The following ADCY3 variants were observed in gnomAD, a reference collection of about 807,000 sequenced individuals.
ADCY3 encodes adenylate cyclase 3.
Under a neutral mutation model 119.4 loss-of-function variants are expected in ADCY3, and 70 were observed. The ratio of observed to expected loss-of-function variants is 0.59; its 90% CI spans 0.48 to 0.72. The LOEUF (loss-of-function observed/expected upper bound fraction) is 0.72. ADCY3 is among the 30% of genes least tolerant of loss of function. The pLI is 0.00. For synonymous variants in ADCY3, 672 were observed against 621.4 expected, an observed-to-expected ratio of 1.08 and a Z score of -1.21; for missense variants, 1,238 against 1,541.6, an observed-to-expected ratio of 0.80 and a Z score of 3.30.
intron 21 of ADCY3, chr2:24,820,329 T>A: frequency 2.3e-6 from 3 of 1,328,086 alleles, no homozygotes; most frequent in Non-Finnish European, 2.9e-6. Flanking sequence ...CCTCCTCTCA[T>A]CCAGAGACTT....
intron 12 of ADCY3, among the ~76,000 whole-genome samples, chr2:24,831,167 G>A (rs1447700610): frequency 6.6e-6 from 1 of 151,636 alleles, no homozygotes; most frequent in Non-Finnish European, 1.5e-5. Context: ...GGCTCCAAGT[G>A]ACCTGGCGAG....
At chr2:24,903,203 AC>A (rs1470247150) in intron 2 of ADCY3, among the ~76,000 whole-genome samples, 6 of 151,358 alleles carry the variant, frequency 4.0e-5, no homozygotes, top group Non-Finnish European at 7.4e-5. Flanking sequence ...GGGGGGCAGC[AC>A]CCCTAACGCC....
chr2:24,822,220 A>G (rs920832080), intron 19 of ADCY3: 2 of 268,670 alleles, frequency 7.4e-6, no homozygotes, highest in Non-Finnish European at 1.4e-5. Context: ...CCTTGTTGAC[A>G]ATTGCTCTCC....
intron 9 of ADCY3, 116 bp from the exon 10 acceptor site, chr2:24,835,052 A>C: frequency 1.5e-6 from 2 of 1,315,882 alleles, no homozygotes; most frequent in East Asian, 2.5e-5. Context: ...CGGAGGACCA[A>C]TCCCTCCAGC....
At chr2:24,904,912 A>T (rs747804124) in intron 2 of ADCY3, among the ~76,000 whole-genome samples, 7 of 152,090 alleles carry the variant, frequency 4.6e-5, no homozygotes, top group Non-Finnish European at 1.0e-4. Context: ...AAGTGTTAGG[A>T]TTACAGATGT....
intron 3 of ADCY3, among the ~76,000 whole-genome samples, chr2:24,864,633 T>C (rs1674067491): frequency 1.3e-5 from 2 of 152,140 alleles, no homozygotes; most frequent in African/African-American, 2.4e-5. Flanking sequence ...GACAAATACA[T>C]GATTCCGCTT....
intron 2 of ADCY3, among the ~76,000 whole-genome samples, chr2:24,886,195 C>A (rs572418989): frequency 1.3e-5 from 2 of 152,330 alleles, no homozygotes; most frequent in South Asian, 2.1e-4. Context: ...GCACCCAGCA[C>A]GCTGTCTGCT....
In ADCY3 at chr2:24,827,993, G is replaced by C; in HGVS notation, c.2341C>G (p.Leu781Val). 6.2e-7 allele frequency: 1 copy of C among 1,614,264 alleles called. No homozygotes were observed. The highest frequency in any genetic ancestry group is 1.1e-5 in the South Asian group (1 of 91,090). ...VSHMVKLTLM[L>V]LVAGAVATIN... ...GTGGCCACGGCGCCTGCGACGAGCAGCATGAGCGTGAGCTTCACCATGTGG... is the reference window on the plus strand; with the variant it reads ...GTGGCCACGGCGCCTGCGACGAGCACCATGAGCGTGAGCTTCACCATGTGG... The change falls in exon 14 of 22, where the codon CTG (leucine) becomes GTG (valine). Residue 781 changes from leucine to valine, a missense_variant. Transcript: ENST00000679454.
Position 24,918,258 on chromosome 2 carries a change from A to G in ADCY3, c.675+55T>C. ...CAAACAGCAACTCCAACAGGTCCCA[A>G]GTTGGTGAGAGCTGCAGGAGAGGAC... On this transcript the variant is annotated intron_variant, in intron 2 of 21. Coordinates refer to ENST00000679454, the MANE Select transcript of ADCY3 (RefSeq NM_004036.5). The surrounding 1 kb of genome is among the most constrained non-coding windows in gnomAD (Gnocchi z 5.4). The G allele has an allele frequency of 4.0e-6, 6 of 1,505,370 alleles. No individual in the cohort carries two copies. Among genetic ancestry groups the G allele is most frequent in the Non-Finnish European group, 5.3e-6 (6 of 1,127,018 alleles). The allele number at this position is 1,505,370 out of a possible 1,614,324, so 93.3% of individuals were successfully genotyped here. A position where few individuals can be genotyped will look rare whatever the true frequency, so the allele number is the denominator to read the frequency against.
chr2:24,830,594 C>A, intron 13 of ADCY3, 115 bp downstream of exon 13: 7 of 767,466 alleles, frequency 9.1e-6, no homozygotes, highest in Non-Finnish European at 1.5e-5. Flanking sequence ...AAGAGCCACT[C>A]CAAAGCTACA....
chr2:24,919,872 T>G lies in ADCY3; in HGVS notation c.-387A>C, dbSNP rs1664901665. ...ACCGGGAGAGGCGCAGGGCTGCCCC[T>G]CAGCATCCGCGGGCGCCCGGCCGCA... On this transcript the variant is annotated 5_prime_UTR_variant, in exon 1 of 22. Transcript: ENST00000679454. The surrounding 1 kb of genome is among the most constrained non-coding windows in gnomAD (Gnocchi z 5.5). 6.6e-6 allele frequency: 1 copy of G among 150,582 alleles called. No individual in the cohort carries two copies. Among genetic ancestry groups the G allele is most frequent in the Non-Finnish European group, 1.5e-5 (1 of 67,500 alleles). 9.3% of individuals were successfully genotyped at this position (150,582 alleles called of 1,614,324 possible).
intron 7 of ADCY3, among the ~76,000 whole-genome samples, chr2:24,839,445 A>G (rs1243142250): frequency 1.3e-5 from 2 of 152,198 alleles, no homozygotes; most frequent in African/African-American, 4.8e-5. Flanking sequence ...AGGGAGCTCA[A>G]GTAAGGCGTG....
At chr2:24,886,306 A>AC (rs1277557154) in intron 2 of ADCY3, among the ~76,000 whole-genome samples, 1 of 151,812 alleles carries the variant, frequency 6.6e-6, no homozygotes, top group Non-Finnish European at 1.5e-5. Context: ...ACAACCCTGC[A>AC]CCCCCAATGT....
At chr2:24,830,526 C>T (rs1281508500) in intron 13 of ADCY3, among the ~76,000 whole-genome samples, 183 bp downstream of exon 13, 1 of 152,022 alleles carries the variant, frequency 6.6e-6, no homozygotes, top group Admixed American at 6.6e-5. Context: ...CCAGAGGCTC[C>T]CTGGATGACA....
chr2:24,821,395 G>A, intron 20 of ADCY3, 122 bp downstream of exon 20: 1 of 1,410,588 alleles, frequency 7.1e-7, no homozygotes, highest in Non-Finnish European at 9.6e-7. Context: ...CCCTGTGAGT[G>A]CGTGAACCTC....
intron 2 of ADCY3, among the ~76,000 whole-genome samples, chr2:24,916,888 T>C (rs1464231100): frequency 1.4e-5 from 2 of 146,150 alleles, no homozygotes; most frequent in African/African-American, 2.7e-5. Flanking sequence ...CCAAGGAACA[T>C]ACACAAATGA....
intron 21 of ADCY3, 24 bp downstream of exon 21, chr2:24,820,699 GT>G (rs781240748): frequency 9.9e-6 from 16 of 1,613,382 alleles, no homozygotes; most frequent in South Asian, 2.2e-5. Context: ...GTCTGAGCAC[GT>G]GCCAGCTGTG....
At chr2:24,856,596 G>C (rs111746711) in intron 3 of ADCY3, among the ~76,000 whole-genome samples, 2,363 of 152,302 alleles carry the variant, frequency 0.016, 61 homozygotes, top group African/African-American at 0.048. Flanking sequence ...AGCCCAAACA[G>C]CTCACCTCTC....
Position 24,918,778 on chromosome 2 carries a change from G to C in ADCY3, c.210C>G (p.Phe70Leu). Residue 70 changes from phenylalanine to leucine, a missense_variant, in exon 2 of 22, where the codon TTC becomes TTG. Physicochemically the swap from Phe to Leu is conservative, Grantham distance 22 (BLOSUM62 0). Around this residue, in one of 7 missense-constraint regions of ADCY3, gnomAD observed 227 missense variants for 249.3 expected, o/e 0.91. Coordinates refer to ENST00000679454, the MANE Select transcript of ADCY3 (RefSeq NM_004036.5). The surrounding 1 kb of genome is among the most constrained non-coding windows in gnomAD (Gnocchi z 5.4). ...GCAGGGTCTCGTGGCGCTGCCTTTTGAAGTAGGTCTGGTAGAGGTTCTCCA... is the reference window on the plus strand; with the variant it reads ...GCAGGGTCTCGTGGCGCTGCCTTTTCAAGTAGGTCTGGTAGAGGTTCTCCA... ...ESLENLYQTYFKRQRHETLLV... is the reference protein window; with the variant it reads ...ESLENLYQTYLKRQRHETLLV... 1 of 1,614,020 alleles carries C rather than the reference G, an allele frequency of 6.2e-7. No individual in the cohort carries two copies. Among genetic ancestry groups the C allele is most frequent in the Non-Finnish European group, 8.5e-7 (1 of 1,180,030 alleles).
Sources: gnomAD v4.1 joint callset for allele counts (sites outside exome capture counted in the v4.1 genomes callset) on GRCh38, gnomAD v4.1.1 for gene constraint, gnomAD v4.1.1 regional missense constraint, Gnocchi (gnomAD v3.1) non-coding constraint, MANE v1.5 for transcripts, NCBI Gene and HGNC (gene_info 2026-07-23, HGNC 2026-07-21) for gene names.